The following HDAC8 variants were observed in gnomAD, a reference collection of about 807,000 sequenced individuals.
The protein encoded by HDAC8 is histone deacetylase 8.
HDAC8 carries 1 observed loss-of-function variant against 32.2 expected under a neutral mutation model. The observed-to-expected ratio is 0.03, with a 90% CI of 0.01 to 0.15. The LOEUF (loss-of-function observed/expected upper bound fraction) is 0.15, where lower values mean the gene tolerates loss of function less well. Among genes scored for constraint, HDAC8 ranks in the 10% least tolerant of loss-of-function variants. The pLI, the probability that HDAC8 is intolerant of heterozygous loss-of-function variation, is 1.00. For missense variants in HDAC8, 117 were observed against 300.0 expected (o/e 0.39, Z 4.51); for synonymous variants, 108 against 113.9 (o/e 0.95, Z 0.33).
At chrX:72,463,340 G>A (rs1408608153) in intron 8 of HDAC8, among the ~76,000 whole-genome samples, 14 of 111,945 alleles carry the variant, frequency 1.3e-4, no homozygotes, top group African/African-American at 4.2e-4. Context: ...GCGTTTTCAG[G>A]AATACACATA....
chrX:72,403,759 G>A (rs988486223), intron 9 of HDAC8, among the ~76,000 whole-genome samples: 5 of 111,690 alleles, frequency 4.5e-5, no homozygotes, highest in South Asian at 3.7e-4. Context: ...CTCGAGAGAT[G>A]GAGGTTGCAG....
chrX:72,501,709 G>A (rs782553231), intron 4 of HDAC8, among the ~76,000 whole-genome samples: 1 of 111,916 alleles, frequency 8.9e-6, no homozygotes, highest in East Asian at 2.8e-4. Flanking sequence ...ACATAGGAAC[G>A]GGCAAAGATT....
At chrX:72,470,178 A>T (rs1374402157) in intron 7 of HDAC8, among the ~76,000 whole-genome samples, 1 of 109,536 alleles carries the variant, frequency 9.1e-6, no homozygotes, top group Admixed American at 9.8e-5. Context: ...ACATACATAC[A>T]TACATACATA....
chrX:72,461,563 T>C (rs1555991705), intron 9 of HDAC8, among the ~76,000 whole-genome samples: 1 of 111,566 alleles, frequency 9.0e-6, no homozygotes, highest in African/African-American at 3.3e-5. Flanking sequence ...AATTTTACAT[T>C]AGTCAAAGAA....
At chrX:72,360,511 C>G (rs1031164694) in intron 9 of HDAC8, among the ~76,000 whole-genome samples, 1 of 112,449 alleles carries the variant, frequency 8.9e-6, no homozygotes, top group Admixed American at 9.4e-5. Flanking sequence ...ATGCCAATCT[C>G]TCTTGCAGAC....
At chrX:72,499,955 C>T (rs2049153238) in intron 4 of HDAC8, among the ~76,000 whole-genome samples, 1 of 111,668 alleles carries the variant, frequency 9.0e-6, no homozygotes, top group Admixed American at 9.5e-5. Flanking sequence ...AATGTTACCA[C>T]TGGCCCCACA....
At chrX:72,541,140 A>C (rs2050693175) in intron 4 of HDAC8, among the ~76,000 whole-genome samples, 2 of 109,774 alleles carry the variant, frequency 1.8e-5, no homozygotes, top group Non-Finnish European at 3.8e-5. Flanking sequence ...AAACAGGAAA[A>C]GGATGACAGG....
At chrX:72,556,348 TA>T (rs1297250720) in intron 4 of HDAC8, among the ~76,000 whole-genome samples, 11 of 111,646 alleles carry the variant, frequency 9.9e-5, no homozygotes, top group African/African-American at 3.2e-4. Context: ...ATACAATTTA[TA>T]AAAACCAAGA....
At chrX:72,566,531 G>C (rs1438991088) in intron 4 of HDAC8, among the ~76,000 whole-genome samples, 2 of 111,948 alleles carry the variant, frequency 1.8e-5, no homozygotes, top group African/African-American at 6.5e-5. Context: ...AAAAAATTCT[G>C]TTATTATCTT....
intron 4 of HDAC8, among the ~76,000 whole-genome samples, chrX:72,525,880 G>A (rs1461379689): frequency 9.4e-6 from 1 of 106,457 alleles, no homozygotes; most frequent in Non-Finnish European, 1.9e-5. Flanking sequence ...TCTAGGAGGG[G>A]GAATCACAGC....
intron 9 of HDAC8, among the ~76,000 whole-genome samples, chrX:72,415,428 C>T (rs1050478571): frequency 3.6e-5 from 4 of 111,793 alleles, no homozygotes; most frequent in African/African-American, 1.3e-4. Flanking sequence ...TCTGTTTTCC[C>T]ACATGAATTT....
intron 7 of HDAC8, among the ~76,000 whole-genome samples, chrX:72,472,708 T>A (rs887822061): frequency 4.5e-5 from 5 of 112,121 alleles, no homozygotes; most frequent in Non-Finnish European, 7.5e-5. Flanking sequence ...TGAAGAGAAG[T>A]CAGCTGTGAT....
chrX:72,345,285 A>G (rs1384817133), intron 10 of HDAC8, among the ~76,000 whole-genome samples: 1 of 111,257 alleles, frequency 9.0e-6, no homozygotes, highest in Non-Finnish European at 1.9e-5. Flanking sequence ...ACTAGGGGAA[A>G]GGTTTACTAG....
chrX:72,570,546 T>C (rs2051984657), intron 2 of HDAC8, among the ~76,000 whole-genome samples: 1 of 105,330 alleles, frequency 9.5e-6, no homozygotes, highest in African/African-American at 3.5e-5. Context: ...GAGGCGGAGG[T>C]TGCAATGAGC....
chrX:72,515,364 T>C (rs1201717574), intron 4 of HDAC8, among the ~76,000 whole-genome samples: 1 of 111,072 alleles, frequency 9.0e-6, no homozygotes, highest in Non-Finnish European at 1.9e-5. Flanking sequence ...CTTCCTTCTT[T>C]TTCAAGGCTG....
chrX:72,526,953 T>C (rs2050171586), intron 4 of HDAC8, among the ~76,000 whole-genome samples: 1 of 111,537 alleles, frequency 9.0e-6, no homozygotes, highest in African/African-American at 3.3e-5. Context: ...TCTCACCCCC[T>C]GGATTTCATC....
chrX:72,530,607 G>A (rs1556035304), intron 4 of HDAC8, among the ~76,000 whole-genome samples: 1 of 110,884 alleles, frequency 9.0e-6, no homozygotes, highest in Non-Finnish European at 1.9e-5. Context: ...ATCAAGCCTT[G>A]AGAACGCTGA....
At chrX:72,439,768 A>C (rs1356127611) in intron 9 of HDAC8, among the ~76,000 whole-genome samples, 1 of 111,518 alleles carries the variant, frequency 9.0e-6, no homozygotes, top group Non-Finnish European at 1.9e-5. Context: ...CAAAAAGAAG[A>C]GCTAACTATC....
intron 9 of HDAC8, among the ~76,000 whole-genome samples, chrX:72,426,503 A>G (rs2046643031): frequency 8.9e-6 from 1 of 112,413 alleles, no homozygotes; most frequent in Admixed American, 9.4e-5. Context: ...GCATATTAAA[A>G]TTTTAAGTGG....
Sources: gnomAD v4.1 joint callset for allele counts (sites outside exome capture counted in the v4.1 genomes callset) on GRCh38, gnomAD v4.1.1 for gene constraint, MANE v1.5 for transcripts, NCBI Gene and HGNC (gene_info 2026-07-23, HGNC 2026-07-21) for gene names.